Variants in MECOM observed in about 807,000 individuals in gnomAD.
MECOM encodes the protein histone-lysine N-methyltransferase MECOM.
MECOM carries 13 observed loss-of-function variants against 116.3 expected under a neutral mutation model. The observed-to-expected ratio is 0.11, with a 90% CI of 0.07 to 0.18. The LOEUF (loss-of-function observed/expected upper bound fraction) is 0.18. Among genes scored for constraint, MECOM ranks in the 10% least tolerant of loss-of-function variants. The pLI is 1.00. For missense variants in MECOM, 1,299 were observed against 1,509.0 expected (o/e 0.86, Z 2.31); for synonymous variants, 528 against 535.2 (o/e 0.99, Z 0.19).
At chr3:169,599,085 G>A (rs971927779) in intron 1 of MECOM, among the ~76,000 whole-genome samples, 1 of 152,102 alleles carries the variant, frequency 6.6e-6, no homozygotes, top group South Asian at 2.1e-4. Flanking sequence ...CCATCATTCA[G>A]GGTTTTGATA....
At chr3:169,128,102 T>C (rs1733509612) in intron 4 of MECOM, 42 bp from the exon 5 acceptor site, 4 of 1,587,712 alleles carry the variant, frequency 2.5e-6, no homozygotes, top group South Asian at 2.2e-5. Context: ...TGGTCAGGAA[T>C]TGCCATCACA....
intron 1 of MECOM, among the ~76,000 whole-genome samples, chr3:169,459,510 T>C (rs969384806): frequency 6.6e-6 from 1 of 152,232 alleles, no homozygotes; most frequent in Non-Finnish European, 1.5e-5. Context: ...CCAGATAATA[T>C]AGGAAGTTTG....
intron 2 of MECOM, among the ~76,000 whole-genome samples, chr3:169,182,625 TAAAAG>T (rs1235521667): frequency 6.6e-6 from 1 of 152,228 alleles, no homozygotes; most frequent in African/African-American, 2.4e-5. Context: ...ATACTTTTCT[TAAAAG>T]AAAGTCATTT....
intron 2 of MECOM, among the ~76,000 whole-genome samples, chr3:169,160,840 A>C (rs1232573828): frequency 6.6e-6 from 1 of 152,158 alleles, no homozygotes; most frequent in Admixed American, 6.5e-5. Context: ...AAAATTAAAA[A>C]TGTTTTAAAA....
At chr3:169,212,411 G>T (rs1750842270) in intron 2 of MECOM, among the ~76,000 whole-genome samples, 1 of 150,904 alleles carries the variant, frequency 6.6e-6, no homozygotes, top group Non-Finnish European at 1.5e-5. Flanking sequence ...CAGGACAGAG[G>T]CTGTAATCAG....
chr3:169,370,677 A>G (rs1017390893), intron 2 of MECOM, among the ~76,000 whole-genome samples: 2 of 151,992 alleles, frequency 1.3e-5, no homozygotes, highest in Middle Eastern at 3.2e-3. Flanking sequence ...GCAACTCAAT[A>G]GCAAAAAACA....
chr3:169,215,636 C>G (rs993043048), intron 2 of MECOM, among the ~76,000 whole-genome samples: 2 of 152,120 alleles, frequency 1.3e-5, no homozygotes, highest in African/African-American at 4.8e-5. Context: ...AAATGTGATT[C>G]CTTTTACCTG....
At chr3:169,089,848 T>A (rs1719079222) in intron 15 of MECOM, 152 bp downstream of exon 15, 1 of 1,224,654 alleles carries the variant, frequency 8.2e-7, no homozygotes, top group Non-Finnish European at 1.1e-6. Context: ...CACCTTATTT[T>A]CATCTATTTA....
At chr3:169,340,506 C>T (rs1051483116) in intron 2 of MECOM, among the ~76,000 whole-genome samples, 3 of 152,118 alleles carry the variant, frequency 2.0e-5, no homozygotes, top group Non-Finnish European at 4.4e-5. Flanking sequence ...GTCATCGAGC[C>T]TGGTACACCA....
At chr3:169,374,853 T>G (rs1053786656) in intron 2 of MECOM, among the ~76,000 whole-genome samples, 1 of 151,794 alleles carries the variant, frequency 6.6e-6, no homozygotes, top group African/African-American at 2.4e-5. Context: ...GGCAACATAA[T>G]GAGACCCCAT....
At chr3:169,282,276 A>C in intron 2 of MECOM, among the ~76,000 whole-genome samples, 1 of 152,184 alleles carries the variant, frequency 6.6e-6, no homozygotes, top group East Asian at 1.9e-4. Flanking sequence ...TTGACTCCAC[A>C]GTACCTTATT....
chr3:169,218,999 TGGATGTGTGTCTGTGGGGCC>T (rs1490914050), intron 2 of MECOM, among the ~76,000 whole-genome samples: 10 of 152,108 alleles, frequency 6.6e-5, no homozygotes. Context: ...GTCATGATCT[TGGATGTGTGTCTGTGGGGCC>T]CCAGTGTTGC....
intron 2 of MECOM, among the ~76,000 whole-genome samples, chr3:169,294,605 A>G (rs185399608): frequency 4.1e-4 from 63 of 152,296 alleles, no homozygotes; most frequent in Admixed American, 3.1e-3. Flanking sequence ...CCACTAGAAA[A>G]ACAAACAAAC....
intron 1 of MECOM, chr3:169,484,003 C>G: frequency 6.3e-7 from 1 of 1,593,970 alleles, no homozygotes; most frequent in Non-Finnish European, 8.6e-7. Flanking sequence ...TCAGAACTTG[C>G]TTCTTTTTTT....
At chr3:169,557,590 T>C (rs1462636192) in intron 1 of MECOM, among the ~76,000 whole-genome samples, 1 of 152,228 alleles carries the variant, frequency 6.6e-6, no homozygotes, top group African/African-American at 2.4e-5. Flanking sequence ...AGGTATATTG[T>C]CTACACCATC....
chr3:169,102,921 G>T (rs1724085832), intron 10 of MECOM, among the ~76,000 whole-genome samples: 1 of 151,676 alleles, frequency 6.6e-6, no homozygotes, highest in African/African-American at 2.4e-5. Context: ...ACATAACTTG[G>T]CATGTGCCTT....
At chr3:169,097,004 C>T (rs541229710) in intron 12 of MECOM, among the ~76,000 whole-genome samples, 1 of 151,498 alleles carries the variant, frequency 6.6e-6, no homozygotes, top group Non-Finnish European at 1.5e-5. Flanking sequence ...TTATGACCTT[C>T]TCTGCAATAA....
At position 169,128,041 on chromosome 3, in the gene MECOM, G is replaced by A. The variant is rs188482846; in HGVS notation, c.633C>T (p.Cys211=). 51 of 1,613,938 alleles carry A rather than the reference G, an allele frequency of 3.2e-5. No individual in the cohort carries two copies. In the East Asian group the frequency reaches 4.7e-4, roughly 15 times the overall value. Residue 211 remains cysteine, a synonymous_variant, in exon 5 of 17, where the codon TGC becomes TGT. Coordinates refer to ENST00000651503, the MANE Select transcript of MECOM (RefSeq NM_004991.4). The stretch of plus-strand genomic sequence containing the variant: ...ATTCAAAGAGCTGGTCACAGTCTTC[G>A]CAGCGATATTGCCGTTCTTCTGTGA... ...PDIHEERQYR[C]EDCDQLFESK...
chr3:169,622,152 C>T (rs949150795), intron 1 of MECOM, among the ~76,000 whole-genome samples: 5 of 152,154 alleles, frequency 3.3e-5, no homozygotes, highest in Non-Finnish European at 7.3e-5. Context: ...TGCAGTGGTG[C>T]GATCTCGGCT....
Sources: allele counts gnomAD v4.1 joint callset (sites outside exome capture counted in the v4.1 genomes callset), GRCh38; gene constraint gnomAD v4.1.1; transcripts MANE v1.5; gene names NCBI Gene and HGNC (gene_info 2026-07-23, HGNC 2026-07-21).